Variants in FILIP1 observed in about 807,000 individuals in gnomAD.
The protein encoded by FILIP1 is filamin-A-interacting protein 1.
A neutral mutation model predicts 102.1 loss-of-function variants in FILIP1; 61 were observed. That is an observed-to-expected ratio of 0.60 (90% confidence interval 0.49 to 0.74). The LOEUF (loss-of-function observed/expected upper bound fraction) is 0.74. Among genes scored for constraint, FILIP1 ranks in the 30% least tolerant of loss-of-function variants. The pLI is 0.00. For missense variants in FILIP1, 1,314 were observed against 1,441.2 expected (o/e 0.91, Z 1.43); for synonymous variants, 491 against 526.9 (o/e 0.93, Z 0.93).
intron 2 of FILIP1, among the ~76,000 whole-genome samples, chr6:75,376,835 G>A (rs1289993725): frequency 2.0e-5 from 3 of 152,102 alleles, no homozygotes; most frequent in Non-Finnish European, 2.9e-5. Context: ...CACCCTCTGG[G>A]CCTCTTGAAC....
In FILIP1 at chr6:75,308,546, AG is replaced by A; in HGVS notation, c.*144del. ...TCAAAACAAATGCACAAAATGGGAAAGACAAATGGTTATTAGTTGGTTATTT... is the reference window on the plus strand; with the variant it reads ...TCAAAACAAATGCACAAAATGGGAAAACAAATGGTTATTAGTTGGTTATTT... On this transcript the variant is annotated 3_prime_UTR_variant, in exon 6 of 6. Transcript: ENST00000237172. The A allele has an allele frequency of 1.4e-6, 2 of 1,468,632 alleles. No homozygotes were observed. Among genetic ancestry groups the A allele is most frequent in the Non-Finnish European group, 1.8e-6 (2 of 1,114,776 alleles). 91.0% of individuals were successfully genotyped at this position (1,468,632 alleles called of 1,614,324 possible).
chr6:75,453,897 A>C (rs995096913), intron 1 of FILIP1: 19 of 454,512 alleles, frequency 4.2e-5, no homozygotes, highest in Admixed American at 3.3e-4. Context: ...ACAATAAGTC[A>C]TAACAATGAT....
chr6:75,359,225 C>T (rs776212296), intron 3 of FILIP1, among the ~76,000 whole-genome samples: 1 of 151,482 alleles, frequency 6.6e-6, no homozygotes, highest in African/African-American at 2.4e-5. Flanking sequence ...AGGCTGGTCT[C>T]GAACTCCTGA....
intron 2 of FILIP1, among the ~76,000 whole-genome samples, chr6:75,392,351 A>C (rs985665691): frequency 1.3e-5 from 2 of 152,160 alleles, no homozygotes; most frequent in Non-Finnish European, 2.9e-5. Flanking sequence ...TTCAAATGCC[A>C]AAGTTTCAGA....
chr6:75,465,319 C>T (rs1208058907), intron 1 of FILIP1: 1 of 373,042 alleles, frequency 2.7e-6, no homozygotes. Flanking sequence ...ACTGAATATA[C>T]AGCCTTAAAA....
At position 75,474,129 on chromosome 6, in the gene FILIP1, TTAA is replaced by T. The variant is rs1240611956; in HGVS notation, c.-7+19282_-7+19284del. ...TATCTCCAAATGGAAATGGTTACCG[TTAA>T]TGTTAGAAATATAGTCTTCTTATTT... On this transcript the variant is annotated intron_variant, in intron 1 of 5. Transcript: ENST00000237172. Among the ~76,000 whole-genome samples, 2 of 152,172 alleles carry T rather than the reference TTAA, an allele frequency of 1.3e-5. 1 individual carries two copies. Among genetic ancestry groups the T allele is most frequent in the African/African-American group, 4.8e-5 (2 of 41,442 alleles).
chr6:75,479,364 C>T (rs1779583412), intron 1 of FILIP1, among the ~76,000 whole-genome samples: 1 of 152,060 alleles, frequency 6.6e-6, no homozygotes, highest in Non-Finnish European at 1.5e-5. Flanking sequence ...TTGGTTTTCC[C>T]ACCAGCAACA....
intron 2 of FILIP1, among the ~76,000 whole-genome samples, chr6:75,402,442 C>T (rs888406612): frequency 1.2e-4 from 18 of 152,248 alleles, no homozygotes; most frequent in South Asian, 6.2e-4. Flanking sequence ...TGGGCAGCCT[C>T]GCTCAGGGTG....
chr6:75,314,831 TTG>T lies in FILIP1; in HGVS notation c.999_1000del (p.Lys334AlafsTer31), dbSNP rs777739895. 7 of 1,614,132 alleles carry T rather than the reference TTG, an allele frequency of 4.3e-6. No individual in the cohort carries two copies. The South Asian group carries it at 7.7e-5, about 18-fold the overall frequency. ...GATTCTTTGGGTTAAGCCAACCAGC[TTG>T]AGTCTAAGTTGCCTATTGTGAGACT... On this transcript the variant is annotated frameshift_variant, in exon 5 of 6. Transcript: ENST00000237172. LOFTEE classifies it high-confidence loss of function.
chr6:75,437,358 T>A (rs1282642119), intron 1 of FILIP1, among the ~76,000 whole-genome samples: 10 of 152,250 alleles, frequency 6.6e-5, no homozygotes, highest in Admixed American at 6.5e-4. Context: ...GAAAACAAGC[T>A]GGATTTTGAA....
exon 7 of FILIP1, chr6:75,295,874 TCGTA>T (rs1379992898): frequency 7.3e-7 from 1 of 1,378,052 alleles, no homozygotes; most frequent in Admixed American, 3.2e-5. Context: ...GATTCAGAGG[TCGTA>T]CACACACCCA....
chr6:75,415,608 G>C (rs1304764145), intron 1 of FILIP1, among the ~76,000 whole-genome samples: 1 of 150,806 alleles, frequency 6.6e-6, no homozygotes, highest in Non-Finnish European at 1.5e-5. Context: ...AAAGCAAAGG[G>C]AAGAGGAGGG....
At position 75,372,665 on chromosome 6, in the gene FILIP1, GAA is replaced by G. The variant is rs1198292686; in HGVS notation, c.277-9750_277-9749del. ...AGAAAGAAAGAAAGAAAGAAAGAAA[GAA>G]AGAAAGAAAGAAAGAAAGAGAAAGA... On this transcript the variant is annotated intron_variant, in intron 2 of 5. Transcript: ENST00000237172. Among the ~76,000 whole-genome samples, 20 of 59,556 alleles carry G rather than the reference GAA, an allele frequency of 3.4e-4. 1 individual carries two copies. Among genetic ancestry groups the G allele is most frequent in the African/African-American group, 1.9e-3 (20 of 10,522 alleles). 39.1% of individuals were successfully genotyped at this position (59,556 alleles called of 152,430 possible).
intron 2 of FILIP1, among the ~76,000 whole-genome samples, chr6:75,404,802 C>T (rs575107265): frequency 6.6e-6 from 1 of 152,244 alleles, no homozygotes; most frequent in South Asian, 2.1e-4. Flanking sequence ...TTTTCAAGAC[C>T]AAAACCAAGT....
In FILIP1 at chr6:75,458,904, A is replaced by G. The variant is rs530344356; in HGVS notation, c.-7+34510T>C. ...AATAAAAACTACTCAAAAGAAAAAA[A>G]AACTACCCAAAGAAGTTATTAAGTA... On this transcript the variant is annotated intron_variant, in intron 1 of 5. Transcript: ENST00000237172. The G allele has an allele frequency of 2.0e-5, 3 of 152,324 alleles. No homozygotes were observed. The South Asian group carries it at 6.2e-4, about 32-fold the overall frequency. 9.4% of individuals were successfully genotyped at this position (152,324 alleles called of 1,614,324 possible). A position where few individuals can be genotyped will look rare whatever the true frequency, so the allele number is the denominator to read the frequency against.
At chr6:75,319,114 T>G in intron 4 of FILIP1, 1 of 726,882 alleles carries the variant, frequency 1.4e-6, no homozygotes, top group Non-Finnish European at 2.5e-6. Flanking sequence ...CTCTTCCTTC[T>G]TTTTCTTGCT....
intron 1 of FILIP1, among the ~76,000 whole-genome samples, chr6:75,492,942 G>GCAA (rs1780007240): frequency 6.6e-6 from 1 of 152,182 alleles, no homozygotes; most frequent in Non-Finnish European, 1.5e-5. Flanking sequence ...GGAGACACAT[G>GCAA]CAACAGCAGG....
At position 75,354,427 on chromosome 6, in the gene FILIP1, C is replaced by T. The variant is rs368942038; in HGVS notation, c.451-710G>A. Among the ~76,000 whole-genome samples, 35 of 151,964 alleles carry T rather than the reference C, an allele frequency of 2.3e-4. No individual in the cohort carries two copies. In the South Asian group the frequency reaches 5.8e-3, roughly 25 times the overall value. On this transcript the variant is annotated intron_variant, in intron 3 of 5. Transcript: ENST00000237172. ...CTCTACTAAAAATACAAAAATTAGC[C>T]GGATGTGGTGGCACATGCCTGTAAT... is the stretch of plus-strand genomic sequence containing the variant.
chr6:75,346,028 A>T (rs1266370867), intron 4 of FILIP1, among the ~76,000 whole-genome samples: 1 of 152,184 alleles, frequency 6.6e-6, no homozygotes, highest in Non-Finnish European at 1.5e-5. Flanking sequence ...TCTAGAAAAC[A>T]TCCTTACCAT....
Sources: gnomAD v4.1 joint callset for allele counts (sites outside exome capture counted in the v4.1 genomes callset) on GRCh38, gnomAD v4.1.1 for gene constraint, MANE v1.5 for transcripts, NCBI Gene and HGNC (gene_info 2026-07-23, HGNC 2026-07-21) for gene names.